The following PRKN variants were observed in gnomAD, a reference collection of about 807,000 sequenced individuals.
PRKN encodes parkin RBR E3 ubiquitin protein ligase.
PRKN carries 56 observed loss-of-function variants against 59.5 expected under a neutral mutation model. The ratio of observed to expected loss-of-function variants is 0.94; its 90% CI spans 0.76 to 1.18. The LOEUF is 1.18. PRKN is among the 50% of genes most tolerant of loss of function. PRKN has a pLI of 0.00. For missense variants in PRKN, 657 were observed against 596.4 expected, an observed-to-expected ratio of 1.10 and a Z score of -1.06; for synonymous variants, 250 against 222.1, an observed-to-expected ratio of 1.13 and a Z score of -1.12.
At chr6:162,423,207 C>G (rs1789069247) in intron 2 of PRKN, among the ~76,000 whole-genome samples, 1 of 152,124 alleles carries the variant, frequency 6.6e-6, no homozygotes, top group African/African-American at 2.4e-5. Flanking sequence ...CAACTAAGCA[C>G]TTACAGATGT....
intron 3 of PRKN, among the ~76,000 whole-genome samples, chr6:162,249,386 G>A (rs907087361): frequency 1.3e-5 from 2 of 152,086 alleles, no homozygotes; most frequent in Non-Finnish European, 2.9e-5. Flanking sequence ...TTATATATGA[G>A]AATAAATCTC....
At chr6:162,226,779 G>A (rs1778198535) in intron 3 of PRKN, among the ~76,000 whole-genome samples, 1 of 152,220 alleles carries the variant, frequency 6.6e-6, no homozygotes, top group Admixed American at 6.5e-5. Flanking sequence ...TGAACTGCCC[G>A]AAGACTCCAT....
chr6:161,916,317 T>C (rs998483929), intron 6 of PRKN, among the ~76,000 whole-genome samples: 1 of 152,224 alleles, frequency 6.6e-6, no homozygotes, highest in African/African-American at 2.4e-5. Context: ...CCACCCATAA[T>C]TGGACAAAGA....
rs578236367 is a variant in PRKN, at chr6:161,473,166, GT to G, written c.1083+75687del. ...TCTGCTGAGTATATACTCAAAAGAA[GT>G]AAAATTAGCACCTCACAGAGCTGCC... On this transcript the variant is annotated intron_variant, in intron 9 of 11. Transcript: ENST00000366898. The surrounding 1 kb of genome is among the most constrained non-coding windows in gnomAD (Gnocchi z 4.1). Among the ~76,000 whole-genome samples the G allele has an allele frequency of 4.3e-4, 66 of 152,182 alleles. 1 individual carries two copies. Among genetic ancestry groups the G allele is most frequent in the Admixed American group, 1.8e-3 (28 of 15,290 alleles).
intron 2 of PRKN, among the ~76,000 whole-genome samples, chr6:162,276,652 T>C (rs1780648245): frequency 6.6e-6 from 1 of 152,038 alleles, no homozygotes; most frequent in Non-Finnish European, 1.5e-5. Flanking sequence ...TATCTTTTTG[T>C]TTGTTTTTAG....
rs1328843042 is a variant in PRKN, at chr6:161,480,558, T to C, written c.1083+68296A>G. 6.6e-6 allele frequency among the ~76,000 whole-genome samples: 1 copy of C among 152,234 alleles called. No individual in the cohort carries two copies. Among genetic ancestry groups the C allele is most frequent in the Non-Finnish European group, 1.5e-5 (1 of 68,034 alleles). ...AATAACACTGCGATGATGGGTCTTTTGTGCATTCCTGGTTCTGGGCTTTGG... is the reference window on the plus strand; with the variant it reads ...AATAACACTGCGATGATGGGTCTTTCGTGCATTCCTGGTTCTGGGCTTTGG... On this transcript the variant is annotated intron_variant, in intron 9 of 11. Transcript: ENST00000366898. The surrounding 1 kb of genome is among the most constrained non-coding windows in gnomAD (Gnocchi z 4.1).
chr6:162,208,750 A>G (rs896426263), intron 3 of PRKN, among the ~76,000 whole-genome samples: 3 of 152,194 alleles, frequency 2.0e-5, no homozygotes, highest in African/African-American at 7.2e-5. Context: ...AAAGTTGAAT[A>G]AACTCCATAA....
At chr6:162,114,843 C>G (rs1247820547) in intron 4 of PRKN, among the ~76,000 whole-genome samples, 4 of 152,032 alleles carry the variant, frequency 2.6e-5, no homozygotes, top group Non-Finnish European at 5.9e-5. Context: ...AGTCAAGAAA[C>G]AACAGGTGCT....
intron 7 of PRKN, among the ~76,000 whole-genome samples, chr6:161,632,257 C>T (rs1011192223): frequency 6.6e-6 from 1 of 152,002 alleles, no homozygotes; most frequent in African/African-American, 2.4e-5. Context: ...CCTAAGGTTA[C>T]AAAAGCTGTG....
chr6:162,438,104 T>C (rs1283927499), intron 2 of PRKN, among the ~76,000 whole-genome samples: 2 of 152,210 alleles, frequency 1.3e-5, no homozygotes, highest in African/African-American at 4.8e-5. Flanking sequence ...GTCTTTATTT[T>C]GTATTTTAAT....
At chr6:161,947,577 G>A (rs1313507643) in intron 6 of PRKN, among the ~76,000 whole-genome samples, 1 of 152,112 alleles carries the variant, frequency 6.6e-6, no homozygotes, top group Non-Finnish European at 1.5e-5. Flanking sequence ...TGCCTGGCCC[G>A]AGTCCCACAG....
rs398003250 is a variant in PRKN at position 162,647,949 on chromosome 6, C to CAAAAAAAAAAAAAAAAAAAAAAAAA, written c.7+79688_7+79712dup. Among the ~76,000 whole-genome samples, 6 of 75,650 alleles carry CAAAAAAAAAAAAAAAAAAAAAAAAA rather than the reference C, an allele frequency of 7.9e-5. 2 individuals carry two copies. Among genetic ancestry groups the CAAAAAAAAAAAAAAAAAAAAAAAAA allele is most frequent in the African/African-American group, 2.2e-4 (4 of 17,958 alleles). 49.6% of individuals were successfully genotyped at this position (75,650 alleles called of 152,430 possible). On this transcript the variant is annotated intron_variant, in intron 1 of 11. Coordinates refer to ENST00000366898, the MANE Select transcript of PRKN (RefSeq NM_004562.3). Reference sequence around the variant, plus strand: ...GAACCATCTCTATATGTCCACAGTGCAAAAAAAAAAAAAAAAAAAAAAAAA... The same window carrying CAAAAAAAAAAAAAAAAAAAAAAAAA: ...GAACCATCTCTATATGTCCACAGTGCAAAAAAAAAAAAAAAAAAAAAAAAAAAAAAAAAAAAAAAAAAAAAAAAAA...
chr6:162,170,057 G>A (rs1365008584), intron 4 of PRKN, among the ~76,000 whole-genome samples: 1 of 152,168 alleles, frequency 6.6e-6, no homozygotes, highest in African/African-American at 2.4e-5. Flanking sequence ...TTTCGTGTGA[G>A]CTTTCATCTG....
At chr6:162,029,292 T>G (rs775831253) in intron 5 of PRKN, among the ~76,000 whole-genome samples, 57 of 152,198 alleles carry the variant, frequency 3.7e-4, no homozygotes, top group Non-Finnish European at 5.9e-4. Flanking sequence ...GATACTTTTA[T>G]TAAAAATTGG....
intron 2 of PRKN, among the ~76,000 whole-genome samples, chr6:162,310,711 T>C (rs1782466430): frequency 6.6e-6 from 1 of 151,638 alleles, no homozygotes; most frequent in South Asian, 2.1e-4. Context: ...AACCTGCACA[T>C]TGTGCATATG....
chr6:161,722,830 A>G (rs900188225), intron 7 of PRKN, among the ~76,000 whole-genome samples: 6 of 152,128 alleles, frequency 3.9e-5, no homozygotes, highest in Non-Finnish European at 7.4e-5. Flanking sequence ...AAATTCTCTA[A>G]GAAGTTTTTC....
chr6:161,403,702 T>C (rs981814278), intron 9 of PRKN, among the ~76,000 whole-genome samples: 4 of 152,178 alleles, frequency 2.6e-5, no homozygotes, highest in African/African-American at 4.8e-5. Flanking sequence ...GGGATTGCTA[T>C]GGTTTGAATG....
In PRKN at chr6:161,355,265, G is replaced by C. The variant is rs1305715042; in HGVS notation, c.1285+4823C>G. On this transcript the variant is annotated intron_variant, in intron 11 of 11. Coordinates refer to ENST00000366898, the MANE Select transcript of PRKN (RefSeq NM_004562.3). The surrounding 1 kb of genome is among the most constrained non-coding windows in gnomAD (Gnocchi z 6.8). ...TCTGCTCATTCTTCAATTCTTGGCTGGTATCATCTCTTCCAGGAAGCCTCC... is the reference window on the plus strand; with the variant it reads ...TCTGCTCATTCTTCAATTCTTGGCTCGTATCATCTCTTCCAGGAAGCCTCC... Among the ~76,000 whole-genome samples the C allele has an allele frequency of 6.6e-6, 1 of 152,182 alleles. No individual in the cohort carries two copies. The highest frequency in any genetic ancestry group is 1.5e-5 in the Non-Finnish European group (1 of 68,024).
chr6:161,385,854 T>C lies in PRKN; in HGVS notation c.1167+940A>G, dbSNP rs767048818. Reference sequence around the variant, plus strand: ...ATGGAAATGGCAACTCAGTCCTAAATCCACTCATATGCTCATGGCTGGCAA... The same window carrying C: ...ATGGAAATGGCAACTCAGTCCTAAACCCACTCATATGCTCATGGCTGGCAA... On this transcript the variant is annotated intron_variant, in intron 10 of 11. Coordinates refer to ENST00000366898, the MANE Select transcript of PRKN (RefSeq NM_004562.3). The surrounding 1 kb of genome is among the most constrained non-coding windows in gnomAD (Gnocchi z 4.9). 2.2e-4 allele frequency among the ~76,000 whole-genome samples: 34 copies of C among 152,192 alleles called. No individual in the cohort carries two copies. Among genetic ancestry groups the C allele is most frequent in the Non-Finnish European group, 4.0e-4 (27 of 68,030 alleles).
Sources: allele counts gnomAD v4.1 joint callset (sites outside exome capture counted in the v4.1 genomes callset), GRCh38; gene constraint gnomAD v4.1.1; non-coding constraint Gnocchi (gnomAD v3.1); transcripts MANE v1.5; gene names NCBI Gene and HGNC (gene_info 2026-07-23, HGNC 2026-07-21).